BMP5: variants seen among roughly 807,000 people sequenced by gnomAD.
BMP5 encodes bone morphogenetic protein 5.
BMP5 carries 23 observed loss-of-function variants against 46.6 expected under a neutral mutation model. The observed-to-expected ratio is 0.49, with a 90% CI of 0.35 to 0.70. BMP5 has a LOEUF of 0.70. Ranked by LOEUF, BMP5 falls within the 30% of genes least tolerant of loss-of-function variation. The pLI is 0.00. For synonymous variants in BMP5, 204 were observed against 191.9 expected (o/e 1.06, Z -0.52); for missense variants, 545 against 565.6 (o/e 0.96, Z 0.37).
At chr6:55,805,021 A>T (rs1023568788) in intron 2 of BMP5, among the ~76,000 whole-genome samples, 1 of 152,188 alleles carries the variant, frequency 6.6e-6, no homozygotes, top group Admixed American at 6.5e-5. Context: ...GCAAAATTTC[A>T]TTATAAATGA....
chr6:55,873,040 TACTC>T (rs1309576956), intron 1 of BMP5, among the ~76,000 whole-genome samples: 1 of 151,850 alleles, frequency 6.6e-6, no homozygotes, highest in Non-Finnish European at 1.5e-5. Context: ...AATTATGACT[TACTC>T]ACTTAATAAT....
intron 2 of BMP5, among the ~76,000 whole-genome samples, chr6:55,813,599 C>A (rs1446854655): frequency 6.6e-6 from 1 of 151,840 alleles, no homozygotes; most frequent in Admixed American, 6.6e-5. Flanking sequence ...ACCATCCTGG[C>A]TAACGGTGAA....
At chr6:55,792,919 A>T in intron 3 of BMP5, among the ~76,000 whole-genome samples, 1 of 152,208 alleles carries the variant, frequency 6.6e-6, no homozygotes, top group Middle Eastern at 3.4e-3. Flanking sequence ...ACGTTCTCTT[A>T]TTAATGATCT....
chr6:55,792,916 C>T (rs1457816452), intron 3 of BMP5, among the ~76,000 whole-genome samples: 2 of 152,028 alleles, frequency 1.3e-5, no homozygotes, highest in Non-Finnish European at 2.9e-5. Flanking sequence ...GATACGTTCT[C>T]TTATTAATGA....
At chr6:55,784,023 G>A (rs562267862) in intron 3 of BMP5, among the ~76,000 whole-genome samples, 2 of 151,800 alleles carry the variant, frequency 1.3e-5, no homozygotes, top group East Asian at 1.9e-4. Flanking sequence ...TTTTAGTTGC[G>A]ATGCTGAACT....
In BMP5 at chr6:55,819,839, C is replaced by G. The variant is rs1485195679; in HGVS notation, c.499G>C (p.Asp167His). 6.2e-7 allele frequency: 1 copy of G among 1,613,304 alleles called. No individual in the cohort carries two copies. Among genetic ancestry groups the G allele is most frequent in the Non-Finnish European group, 8.5e-7 (1 of 1,179,566 alleles). The change falls in exon 2 of 7, where the codon GAC becomes CAC. Residue 167 changes from aspartate (D) to histidine (H), a missense_variant. Transcript: ENST00000370830. Reference protein sequence around the residue: ...VMSFVNLVERDKDFSHQRRHY... With the variant: ...VMSFVNLVERHKDFSHQRRHY... ...CTTCGCTGGTGAGAAAAATCCTTGT[C>G]TCTTTCAACTGAAAAAATAAAGGGG... is the stretch of plus-strand genomic sequence containing the variant.
intron 1 of BMP5, among the ~76,000 whole-genome samples, chr6:55,855,388 AG>A (rs1248961400): frequency 2.0e-5 from 3 of 152,052 alleles, no homozygotes; most frequent in Non-Finnish European, 4.4e-5. Flanking sequence ...CTCTCTCAAA[AG>A]AAAAAAAAGG....
chr6:55,838,813 A>G (rs532343362), intron 1 of BMP5, among the ~76,000 whole-genome samples: 1 of 152,348 alleles, frequency 6.6e-6, no homozygotes, highest in South Asian at 2.1e-4. Context: ...ATGCTTATCT[A>G]GAACAATTAT....
At chr6:55,773,852 G>A in intron 4 of BMP5, among the ~76,000 whole-genome samples, 197 bp downstream of exon 4, 1 of 151,784 alleles carries the variant, frequency 6.6e-6, no homozygotes, top group East Asian at 1.9e-4. Context: ...AACATATGAA[G>A]GCAACTCATA....
chr6:55,829,744 T>A (rs1208472982), intron 1 of BMP5, among the ~76,000 whole-genome samples: 2 of 151,952 alleles, frequency 1.3e-5, no homozygotes, highest in Admixed American at 1.3e-4. Flanking sequence ...ATGGTTATTA[T>A]CAGAATTGTA....
intron 3 of BMP5, 28 bp downstream of exon 3, chr6:55,794,251 A>T: frequency 6.2e-7 from 1 of 1,612,378 alleles, no homozygotes; most frequent in Non-Finnish European, 8.5e-7. Context: ...CAAGCTTCAC[A>T]AAAAAATATA....
At chr6:55,790,233 T>C (rs112655485) in intron 3 of BMP5, among the ~76,000 whole-genome samples, 89 of 152,328 alleles carry the variant, frequency 5.8e-4, no homozygotes, top group African/African-American at 2.1e-3. Context: ...CAGTTTGGAA[T>C]GTCTTCTTAA....
chr6:55,802,197 G>A (rs1487287350), intron 2 of BMP5, among the ~76,000 whole-genome samples: 14 of 152,136 alleles, frequency 9.2e-5, no homozygotes, highest in Admixed American at 9.2e-4. Context: ...AGAGCTCTTA[G>A]TTCCCAATGG....
At chr6:55,820,460 C>T (rs1336515159) in intron 1 of BMP5, among the ~76,000 whole-genome samples, 1 of 151,974 alleles carries the variant, frequency 6.6e-6, no homozygotes, top group African/African-American at 2.4e-5. Context: ...CTCCGTTGCC[C>T]AAGCTGGAGT....
At chr6:55,759,532 G>A (rs1774714576) in intron 5 of BMP5, among the ~76,000 whole-genome samples, 1 of 151,870 alleles carries the variant, frequency 6.6e-6, no homozygotes, top group African/African-American at 2.4e-5. Context: ...AGAAAAAGGA[G>A]AATCAAGTTA....
At chr6:55,870,630 T>A in intron 1 of BMP5, among the ~76,000 whole-genome samples, 1 of 152,132 alleles carries the variant, frequency 6.6e-6, no homozygotes, top group East Asian at 1.9e-4. Flanking sequence ...GATTTGTATA[T>A]AAATTACTTT....
At chr6:55,756,277 TTTAATA>T (rs1318392431) in intron 6 of BMP5, among the ~76,000 whole-genome samples, 2 of 151,784 alleles carry the variant, frequency 1.3e-5, no homozygotes, top group African/African-American at 4.8e-5. Flanking sequence ...TTGGCTGGAG[TTTAATA>T]TCCATTTACT....
chr6:55,830,437 C>T (rs1776637459), intron 1 of BMP5, among the ~76,000 whole-genome samples: 2 of 152,062 alleles, frequency 1.3e-5, no homozygotes, highest in African/African-American at 4.8e-5. Flanking sequence ...AACCACAAAA[C>T]TCAGAGCAAA....
At chr6:55,864,019 C>T (rs1348412779) in intron 1 of BMP5, among the ~76,000 whole-genome samples, 1 of 151,792 alleles carries the variant, frequency 6.6e-6, no homozygotes, top group Non-Finnish European at 1.5e-5. Context: ...GATGCATAAC[C>T]GTGAATGCAT....
Sources: gnomAD v4.1 joint callset for allele counts (sites outside exome capture counted in the v4.1 genomes callset) on GRCh38, gnomAD v4.1.1 for gene constraint, MANE v1.5 for transcripts, NCBI Gene and HGNC (gene_info 2026-07-23, HGNC 2026-07-21) for gene names.